Variants in MYO18B observed in about 807,000 individuals in gnomAD.
The protein encoded by MYO18B is unconventional myosin-XVIIIb.
Under a neutral mutation model 273.0 loss-of-function variants are expected in MYO18B, and 204 were observed. That is an observed-to-expected ratio of 0.75 (90% CI 0.67 to 0.84). The LOEUF (loss-of-function observed/expected upper bound fraction) is 0.84, where lower values mean the gene tolerates loss of function less well. Among genes scored for constraint, MYO18B ranks in the 40% least tolerant of loss-of-function variants. The pLI is 0.00. For missense variants in MYO18B, 3,212 were observed against 3,287.6 expected, an observed-to-expected ratio of 0.98 and a Z score of 0.56; for synonymous variants, 1,330 against 1,305.7, an observed-to-expected ratio of 1.02 and a Z score of -0.40.
intron 27 of MYO18B, among the ~76,000 whole-genome samples, chr22:25,892,944 T>C (rs1339400272): frequency 2.0e-5 from 3 of 152,208 alleles, no homozygotes; most frequent in African/African-American, 7.2e-5. Flanking sequence ...TGTTTTCCTC[T>C]GTTAAGATTG....
intron 39 of MYO18B, among the ~76,000 whole-genome samples, chr22:25,988,912 C>T (rs2093230708): frequency 6.6e-6 from 1 of 152,076 alleles, no homozygotes; most frequent in African/African-American, 2.4e-5. Flanking sequence ...GGATTTGAAC[C>T]CCGGCAGCTC....
In MYO18B at chr22:26,007,920, A is replaced by G. The variant is rs185621035; in HGVS notation, c.6470+3065A>G. ...TTAAGCTTCCTTCTCAGAAGGATCC[A>G]TCATCTTCAGTTTGGTGTATATCCT... On this transcript the variant is annotated intron_variant, in intron 42 of 43. Transcript: ENST00000335473. Among the ~76,000 whole-genome samples, 68 of 152,334 alleles carry G rather than the reference A, an allele frequency of 4.5e-4. 1 individual carries two copies. The East Asian group carries it at 0.013, about 28-fold the overall frequency.
At chr22:25,875,623 A>T (rs919347080) in intron 23 of MYO18B, among the ~76,000 whole-genome samples, 1 of 152,238 alleles carries the variant, frequency 6.6e-6, no homozygotes. Flanking sequence ...GCTCCATCCC[A>T]GAGTGGCTGA....
the MYO18B span, among the ~76,000 whole-genome samples, chr22:26,040,254 G>A: frequency 2.0e-5 from 3 of 151,998 alleles, no homozygotes; most frequent in Admixed American, 6.6e-5. Flanking sequence ...TTATCCATTC[G>A]CTGGTCCATG....
intron 2 of MYO18B, among the ~76,000 whole-genome samples, chr22:25,762,483 G>T (rs981687802): frequency 6.6e-6 from 1 of 152,268 alleles, no homozygotes; most frequent in Non-Finnish European, 1.5e-5. Flanking sequence ...GCCACAGCCG[G>T]TCTCATGCCT....
At chr22:25,771,068 C>T (rs772441469) in intron 6 of MYO18B, 84 bp downstream of exon 6, 22 of 972,152 alleles carry the variant, frequency 2.3e-5, no homozygotes, top group African/African-American at 3.2e-5. Flanking sequence ...CCCAGTCCTG[C>T]AAGAGATTTC....
At chr22:25,875,511 C>CCA (rs1555920702) in intron 23 of MYO18B, among the ~76,000 whole-genome samples, 1 of 151,902 alleles carries the variant, frequency 6.6e-6, no homozygotes, top group African/African-American at 2.4e-5. Flanking sequence ...CTGGTCCCCC[C>CCA]CCCAGTGATA....
chr22:25,892,391 A>G (rs1356847764), intron 27 of MYO18B: 1 of 151,780 alleles, frequency 6.6e-6, no homozygotes, highest in African/African-American at 2.4e-5. Flanking sequence ...GGGATATTAT[A>G]CATTTGTTCA....
chr22:25,885,559 A>G (rs1046151769), intron 25 of MYO18B, among the ~76,000 whole-genome samples: 1 of 151,174 alleles, frequency 6.6e-6, no homozygotes, highest in Non-Finnish European at 1.5e-5. Flanking sequence ...TTGTATGGGG[A>G]TGTGTTTGTG....
chr22:25,817,337 TTTTCTCTCTTTCTTTC>T (rs1382832421), intron 12 of MYO18B, among the ~76,000 whole-genome samples: 2 of 151,602 alleles, frequency 1.3e-5, no homozygotes, highest in East Asian at 3.9e-4. Flanking sequence ...TTTCTTTTTC[TTTTCTCTCTTTCTTTC>T]TTTCTCTCTC....
intron 33 of MYO18B, among the ~76,000 whole-genome samples, chr22:25,913,524 T>C (rs2092201776): frequency 6.6e-6 from 1 of 152,146 alleles, no homozygotes; most frequent in Non-Finnish European, 1.5e-5. Context: ...CCACCACGCC[T>C]GGCTAATTTT....
intron 25 of MYO18B, among the ~76,000 whole-genome samples, chr22:25,879,089 A>G (rs1048189378): frequency 1.3e-5 from 2 of 152,246 alleles, no homozygotes; most frequent in Non-Finnish European, 2.9e-5. Flanking sequence ...ACTGTGGCTC[A>G]CAGGCTAAAT....
chr22:25,966,938 G>C (rs980004278), intron 39 of MYO18B, among the ~76,000 whole-genome samples: 4 of 152,176 alleles, frequency 2.6e-5, no homozygotes, highest in Admixed American at 1.3e-4. Context: ...GAGTTATCCT[G>C]ATAATAAAAT....
At chr22:25,744,309 T>TG (rs1420320606) in intron 1 of MYO18B, among the ~76,000 whole-genome samples, 7 of 152,140 alleles carry the variant, frequency 4.6e-5, no homozygotes, top group Non-Finnish European at 7.4e-5. Context: ...GATAGGGACC[T>TG]GGGGCTGTGA....
chr22:25,893,206 AT>A (rs1451926290), intron 27 of MYO18B, among the ~76,000 whole-genome samples: 1 of 152,250 alleles, frequency 6.6e-6, no homozygotes, highest in Non-Finnish European at 1.5e-5. Context: ...TGGAGTATGA[AT>A]TATTTAAAAA....
At chr22:25,848,456 G>A (rs775973319) in intron 20 of MYO18B, among the ~76,000 whole-genome samples, 1 of 152,164 alleles carries the variant, frequency 6.6e-6, no homozygotes, top group African/African-American at 2.4e-5. Context: ...GGCATAAAAC[G>A]GGCAGGTTTT....
intron 35 of MYO18B, among the ~76,000 whole-genome samples, 195 bp from the exon 36 acceptor site, chr22:25,947,517 C>G (rs1431642256): frequency 2.0e-5 from 3 of 150,886 alleles, no homozygotes; most frequent in Non-Finnish European, 3.0e-5. Flanking sequence ...CACACACACA[C>G]ACACACACAC....
chr22:25,881,649 A>T (rs2091339289), intron 25 of MYO18B, among the ~76,000 whole-genome samples: 1 of 152,310 alleles, frequency 6.6e-6, no homozygotes, highest in Non-Finnish European at 1.5e-5. Context: ...CATCTTCAGC[A>T]TCCAGAGCTG....
intron 2 of MYO18B, among the ~76,000 whole-genome samples, chr22:25,762,797 A>G (rs1363454216): frequency 1.3e-5 from 2 of 152,260 alleles, no homozygotes; most frequent in Non-Finnish European, 2.9e-5. Context: ...TGGTTCATCT[A>G]TTATATTAAC....
Sources: allele counts gnomAD v4.1 joint callset (sites outside exome capture counted in the v4.1 genomes callset), GRCh38; gene constraint gnomAD v4.1.1; transcripts MANE v1.5; gene names NCBI Gene and HGNC (gene_info 2026-07-23, HGNC 2026-07-21).